Variants in F11R observed in about 807,000 individuals in gnomAD.
F11R encodes the protein junctional adhesion molecule A.
Under a neutral mutation model 39.3 loss-of-function variants are expected in F11R, and 27 were observed. The observed-to-expected ratio is 0.69, with a 90% CI of 0.51 to 0.95. The LOEUF is 0.95. F11R is among the 40% of genes least tolerant of loss of function. F11R has a pLI of 0.00. For synonymous variants in F11R, 131 were observed against 144.9 expected (o/e 0.90, Z 0.69); for missense variants, 335 against 372.7 (o/e 0.90, Z 0.83).
At chr1:161,009,941 CA>C (rs966403434) in intron 1 of F11R, among the ~76,000 whole-genome samples, 2 of 146,622 alleles carry the variant, frequency 1.4e-5, no homozygotes, top group South Asian at 2.2e-4. Flanking sequence ...GACTCTGTCT[CA>C]AAAAAAAAGT....
intron 8 of F11R, 52 bp from the exon 9 acceptor site, chr1:160,999,143 C>A (rs1252524163): frequency 1.2e-6 from 2 of 1,610,958 alleles, no homozygotes; most frequent in Admixed American, 3.3e-5. Context: ...TGCTTATTAA[C>A]CTCCCCTTGC....
chr1:161,015,026 C>T (rs892095765), intron 1 of F11R, among the ~76,000 whole-genome samples: 9 of 147,364 alleles, frequency 6.1e-5, no homozygotes, highest in Non-Finnish European at 1.3e-4. Flanking sequence ...TGCAGTGAGC[C>T]GAGATCACGC....
intron 1 of F11R, among the ~76,000 whole-genome samples, chr1:161,017,478 A>T (rs1005840596): frequency 1.3e-5 from 2 of 152,212 alleles, no homozygotes; most frequent in African/African-American, 4.8e-5. Context: ...TGAGATGTTT[A>T]TGTGTATGCA....
chr1:161,012,969 T>C (rs943203672), intron 1 of F11R, among the ~76,000 whole-genome samples: 4 of 152,156 alleles, frequency 2.6e-5, no homozygotes, highest in Non-Finnish European at 2.9e-5. Context: ...GGGGTACATA[T>C]GCAGGTTTGT....
At chr1:161,006,160 T>C (rs1302083746) in intron 1 of F11R, among the ~76,000 whole-genome samples, 1 of 150,958 alleles carries the variant, frequency 6.6e-6, no homozygotes, top group Non-Finnish European at 1.5e-5. Flanking sequence ...GGGGGGGCAC[T>C]TCTGTTCCAA....
At chr1:161,010,446 A>AACAAAAAAAACAAAC (rs1004156097) in intron 1 of F11R, among the ~76,000 whole-genome samples, 5 of 151,156 alleles carry the variant, frequency 3.3e-5, no homozygotes, top group Non-Finnish European at 4.4e-5. Flanking sequence ...TCCATCAAAA[A>AACAAAAAAAACAAAC]AAAAAAAAAA....
At chr1:161,004,139 T>A (rs1442603859) in intron 1 of F11R, among the ~76,000 whole-genome samples, 1 of 152,122 alleles carries the variant, frequency 6.6e-6, no homozygotes, top group Non-Finnish European at 1.5e-5. Flanking sequence ...AGAGCTGGGT[T>A]CTTGCTACAT....
At chr1:160,999,435 G>A in intron 7 of F11R, 27 bp from the exon 8 acceptor site, 4 of 1,614,232 alleles carry the variant, frequency 2.5e-6, no homozygotes, top group East Asian at 2.2e-5. Flanking sequence ...GGGATCATGA[G>A]TGTCAGCAGG....
intron 7 of F11R, 34 bp from the exon 8 acceptor site, chr1:160,999,442 C>T: frequency 6.2e-7 from 1 of 1,614,166 alleles, no homozygotes; most frequent in Non-Finnish European, 8.5e-7. Flanking sequence ...TGAGTGTCAG[C>T]AGGACAGAAG....
intron 2 of F11R, 53 bp from the exon 3 acceptor site, chr1:161,001,180 G>A (rs1391810728): frequency 2.5e-6 from 4 of 1,597,064 alleles, no homozygotes; most frequent in Non-Finnish European, 3.4e-6. Context: ...AAATACACGA[G>A]ATGGGGAACA....
At chr1:161,020,932 G>C in intron 1 of F11R, 78 bp downstream of exon 1, 1 of 1,286,236 alleles carries the variant, frequency 7.8e-7, no homozygotes, top group Non-Finnish European at 1.1e-6. Context: ...CCCCTCCCGC[G>C]GGCTAGGGGC....
Position 160,995,350 on chromosome 1 carries a change from C to A in F11R, c.*3521G>T, listed in dbSNP as rs1648056529. The A allele has an allele frequency of 6.6e-6, 1 of 152,292 alleles. No individual in the cohort carries two copies. Among genetic ancestry groups the A allele is most frequent in the Non-Finnish European group, 1.5e-5 (1 of 68,046 alleles). 9.4% of individuals were successfully genotyped at this position (152,292 alleles called of 1,614,324 possible). A position where few individuals can be genotyped will look rare whatever the true frequency, so the allele number is the denominator to read the frequency against. Reference sequence around the variant, plus strand: ...CTCCGTTTTCCTCCACTATCCCCTCCCCTGTCCTTGATCTGTAGATCCTGT... The same window carrying A: ...CTCCGTTTTCCTCCACTATCCCCTCACCTGTCCTTGATCTGTAGATCCTGT... On this transcript the variant is annotated 3_prime_UTR_variant, in exon 10 of 10. Transcript: ENST00000368026.
chr1:161,005,692 A>G (rs553136610), intron 1 of F11R, among the ~76,000 whole-genome samples: 2 of 151,638 alleles, frequency 1.3e-5, no homozygotes, highest in South Asian at 4.2e-4. Context: ...AACTTTTACA[A>G]TTTTTTTGTA....
At chr1:161,002,261 C>CAAAAAAAAA (rs34007325) in intron 1 of F11R, among the ~76,000 whole-genome samples, 1 of 68,660 alleles carries the variant, frequency 1.5e-5, no homozygotes. Flanking sequence ...GACTCAATCT[C>CAAAAAAAAA]AAAAAAAAAA....
In F11R at chr1:161,000,139, T is replaced by TCC; in HGVS notation, c.591+6_591+7insGG. The TCC allele has an allele frequency of 6.2e-7, 1 of 1,614,036 alleles. No homozygotes were observed. ...CCACACATCTTTCACCACCACCCCA[T>TCC]ACATACCAGCTCTCCTGTTGTGGGA... On this transcript the variant is annotated splice_region_variant and intron_variant, in intron 5 of 9. Coordinates refer to ENST00000368026, the MANE Select transcript of F11R (RefSeq NM_016946.6).
chr1:161,017,307 G>T (rs1571023881), intron 1 of F11R, among the ~76,000 whole-genome samples: 1 of 152,184 alleles, frequency 6.6e-6, no homozygotes, highest in East Asian at 1.9e-4. Flanking sequence ...GCCTCTTGCA[G>T]TTGAGACAAG....
chr1:161,005,625 G>C (rs1386889817), intron 1 of F11R, among the ~76,000 whole-genome samples: 1 of 151,910 alleles, frequency 6.6e-6, no homozygotes, highest in Non-Finnish European at 1.5e-5. Context: ...CACCCGCTTC[G>C]GCCTCCCAAA....
chr1:161,000,576 C>T, intron 4 of F11R, 55 bp downstream of exon 4: 1 of 1,607,764 alleles, frequency 6.2e-7, no homozygotes, highest in Non-Finnish European at 8.5e-7. Context: ...TGCAGCAGAG[C>T]CTGCTATGAG....
At chr1:161,020,908 G>T in intron 1 of F11R, 102 bp downstream of exon 1, 1 of 1,019,848 alleles carries the variant, frequency 9.8e-7, no homozygotes, top group Non-Finnish European at 1.6e-6. Context: ...ATATAGGAAG[G>T]TTTCTGAGCT....
Sources: allele counts gnomAD v4.1 joint callset (sites outside exome capture counted in the v4.1 genomes callset), GRCh38; gene constraint gnomAD v4.1.1; transcripts MANE v1.5; gene names NCBI Gene and HGNC (gene_info 2026-07-23, HGNC 2026-07-21).